Variants in ATP8A2 observed in about 807,000 individuals in gnomAD.
ATP8A2 encodes ATPase phospholipid transporting 8A2.
ATP8A2 carries 100 observed loss-of-function variants against 165.6 expected under a neutral mutation model. The observed-to-expected ratio is 0.60, with a 90% CI of 0.51 to 0.71. The LOEUF is 0.71. Among genes scored for constraint, ATP8A2 ranks in the 30% least tolerant of loss-of-function variants. The pLI, the probability that ATP8A2 is intolerant of heterozygous loss-of-function variation, is 0.00. For synonymous variants in ATP8A2, 543 were observed against 548.8 expected (o/e 0.99, Z 0.15); for missense variants, 1,227 against 1,479.5 (o/e 0.83, Z 2.80).
Position 25,372,029 on chromosome 13 carries a change from G to A in ATP8A2, c.-184G>A. 4.3e-6 allele frequency: 1 copy of A among 235,220 alleles called. No homozygotes were observed. Among genetic ancestry groups the A allele is most frequent in the Non-Finnish European group, 7.9e-6 (1 of 126,298 alleles). 14.6% of individuals were successfully genotyped at this position (235,220 alleles called of 1,614,324 possible). A position where few individuals can be genotyped will look rare whatever the true frequency, so the allele number is the denominator to read the frequency against. ...GGCGTTCGCGGATGCTGCCGCATTG[G>A]CCGCTGCGGCACGGACGGCGCAGCC... On this transcript the variant is annotated 5_prime_UTR_variant, in exon 1 of 37. It introduces an in-frame stop codon into an upstream open reading frame of the 5' UTR. Transcript: ENST00000381655. The surrounding 1 kb of genome is among the most constrained non-coding windows in gnomAD (Gnocchi z 4.8).
intron 26 of ATP8A2, among the ~76,000 whole-genome samples, chr13:25,773,038 G>A (rs547638300): frequency 3.3e-5 from 5 of 152,166 alleles, no homozygotes; most frequent in African/African-American, 4.8e-5. Flanking sequence ...GGGATTACAG[G>A]TGTGAGCCAC....
intron 1 of ATP8A2, among the ~76,000 whole-genome samples, chr13:25,421,941 C>T (rs887017565): frequency 6.6e-6 from 1 of 152,144 alleles, no homozygotes; most frequent in Non-Finnish European, 1.5e-5. Flanking sequence ...TTAAATTCAT[C>T]AGCATTTTTC....
chr13:25,969,605 T>C (rs2139212026), intron 35 of ATP8A2, among the ~76,000 whole-genome samples: 1 of 152,362 alleles, frequency 6.6e-6, no homozygotes, highest in African/African-American at 2.4e-5. Context: ...ATAATTTTTT[T>C]GTTAAAGAAA....
chr13:25,626,150 G>A (rs1004988870), intron 24 of ATP8A2, among the ~76,000 whole-genome samples: 1 of 152,176 alleles, frequency 6.6e-6, no homozygotes, highest in African/African-American at 2.4e-5. Context: ...ATTTTAGGCA[G>A]CTGGGAATAC....
chr13:25,535,614 G>C (rs1284592389), intron 6 of ATP8A2, among the ~76,000 whole-genome samples: 1 of 152,164 alleles, frequency 6.6e-6, no homozygotes, highest in Non-Finnish European at 1.5e-5. Context: ...AGGAGCTCAA[G>C]ATCAGCCTGG....
intron 24 of ATP8A2, among the ~76,000 whole-genome samples, chr13:25,642,400 A>G (rs2041550676): frequency 1.3e-5 from 2 of 152,228 alleles, no homozygotes; most frequent in Admixed American, 1.3e-4. Flanking sequence ...AAACAAATTT[A>G]CAAGAAAAAA....
At chr13:25,801,000 G>A (rs145414340) in intron 27 of ATP8A2, among the ~76,000 whole-genome samples, 4 of 152,160 alleles carry the variant, frequency 2.6e-5, no homozygotes, top group Admixed American at 1.3e-4. Context: ...CCAGGCAGCC[G>A]TGGAAACTGA....
intron 24 of ATP8A2, among the ~76,000 whole-genome samples, chr13:25,635,737 G>A (rs1368021087): frequency 6.6e-6 from 1 of 152,154 alleles, no homozygotes; most frequent in Non-Finnish European, 1.5e-5. Flanking sequence ...AAAAATTTTA[G>A]TGTCCTCACA....
chr13:25,837,366 G>A (rs1951639580), intron 29 of ATP8A2, 81 bp downstream of exon 29: 1 of 1,479,492 alleles, frequency 6.8e-7, no homozygotes, highest in South Asian at 1.2e-5. Flanking sequence ...GGAGATAGTT[G>A]AAGCTTGAGA....
At chr13:25,718,349 A>G (rs1211352446) in intron 25 of ATP8A2, among the ~76,000 whole-genome samples, 1 of 152,118 alleles carries the variant, frequency 6.6e-6, no homozygotes, top group South Asian at 2.1e-4. Context: ...AAAAATTTAA[A>G]TGACATATAA....
intron 33 of ATP8A2, among the ~76,000 whole-genome samples, chr13:25,874,821 C>T (rs781757002): frequency 3.3e-5 from 5 of 152,016 alleles, no homozygotes; most frequent in Admixed American, 1.3e-4. Flanking sequence ...TTCAAATGCC[C>T]GTTAGAAGAT....
intron 1 of ATP8A2, among the ~76,000 whole-genome samples, chr13:25,375,245 G>A (rs1409841971): frequency 1.6e-4 from 25 of 152,198 alleles, no homozygotes; most frequent in Admixed American, 1.4e-3. Flanking sequence ...ATGGTTCTAG[G>A]TGCTAGAGAC....
intron 30 of ATP8A2, among the ~76,000 whole-genome samples, chr13:25,846,860 G>A (rs1274912085): frequency 1.3e-5 from 2 of 152,120 alleles, no homozygotes; most frequent in Non-Finnish European, 2.9e-5. Context: ...CCACCTGGTT[G>A]CACAATGTCC....
At chr13:25,724,731 C>G (rs1309683786) in intron 25 of ATP8A2, among the ~76,000 whole-genome samples, 1 of 152,108 alleles carries the variant, frequency 6.6e-6, no homozygotes, top group Non-Finnish European at 1.5e-5. Context: ...GTAGGAATAT[C>G]TTATGGTAGG....
chr13:25,597,857 G>A (rs1371492110), intron 24 of ATP8A2, among the ~76,000 whole-genome samples: 2 of 144,668 alleles, frequency 1.4e-5, no homozygotes, highest in African/African-American at 5.1e-5. Flanking sequence ...GAAGTTTTTT[G>A]TTTTTTTTTT....
At chr13:25,957,225 A>T (rs1955547476) in intron 33 of ATP8A2, among the ~76,000 whole-genome samples, 1 of 152,230 alleles carries the variant, frequency 6.6e-6, no homozygotes, top group African/African-American at 2.4e-5. Context: ...AGACTTTATG[A>T]CTAAAACACC....
intron 9 of ATP8A2, 137 bp downstream of exon 9, chr13:25,542,183 C>A: frequency 4.2e-6 from 4 of 954,968 alleles, no homozygotes; most frequent in Middle Eastern, 3.5e-4. Context: ...TAATTTAAAG[C>A]CTTCCTTAGA....
At chr13:25,661,077 CTG>C (rs1472334461) in intron 24 of ATP8A2, among the ~76,000 whole-genome samples, 1 of 152,158 alleles carries the variant, frequency 6.6e-6, no homozygotes, top group East Asian at 1.9e-4. Flanking sequence ...ACGTGCGTCT[CTG>C]AGAGACAGAG....
chr13:25,440,041 A>G (rs2034889392), intron 1 of ATP8A2, among the ~76,000 whole-genome samples: 1 of 152,150 alleles, frequency 6.6e-6, no homozygotes, highest in South Asian at 2.1e-4. Context: ...TGTGGGGTGC[A>G]TGTGCCATCC....
Sources: gnomAD v4.1 joint callset for allele counts (sites outside exome capture counted in the v4.1 genomes callset) on GRCh38, gnomAD v4.1.1 for gene constraint, Gnocchi (gnomAD v3.1) non-coding constraint, MANE v1.5 for transcripts, NCBI Gene and HGNC (gene_info 2026-07-23, HGNC 2026-07-21) for gene names.